OTOGL: variants seen among roughly 807,000 people sequenced by gnomAD.
The protein encoded by OTOGL is otogelin-like protein.
OTOGL carries 285 observed loss-of-function variants against 318.5 expected under a neutral mutation model. The observed-to-expected ratio is 0.89, with a 90% CI of 0.81 to 0.99. OTOGL has a LOEUF of 0.99. OTOGL is among the 50% of genes least tolerant of loss of function. The probability of loss-of-function intolerance (pLI) is 0.00; values close to 1 mark genes in which losing one functional copy is unlikely to be tolerated. For missense variants in OTOGL, 2,899 were observed against 2,845.6 expected, an observed-to-expected ratio of 1.02 and a Z score of -0.43; for synonymous variants, 987 against 936.5, an observed-to-expected ratio of 1.05 and a Z score of -0.99.
At chr12:80,294,469 T>C (rs2137696484) in intron 26 of OTOGL, among the ~76,000 whole-genome samples, 1 of 152,340 alleles carries the variant, frequency 6.6e-6, no homozygotes, top group South Asian at 2.1e-4. Context: ...TGTATTTTTC[T>C]CTTTGAAAAT....
At chr12:80,313,975 C>T (rs1330746958) in intron 31 of OTOGL, among the ~76,000 whole-genome samples, 1 of 151,950 alleles carries the variant, frequency 6.6e-6, no homozygotes, top group Non-Finnish European at 1.5e-5. Flanking sequence ...TTAAAAAAAT[C>T]ACCTTGAATT....
intron 37 of OTOGL, among the ~76,000 whole-genome samples, chr12:80,329,593 A>G (rs73135407): frequency 0.19 from 28,168 of 152,138 alleles, 2,764 homozygotes; most frequent in Middle Eastern, 0.22. Flanking sequence ...CCATGTTTGC[A>G]TTCTGTCTCT....
At chr12:80,176,147 G>T (rs539534065) in intron 1 of OTOGL, among the ~76,000 whole-genome samples, 1 of 152,286 alleles carries the variant, frequency 6.6e-6, no homozygotes, top group East Asian at 1.9e-4. Context: ...AAGAGTTCTA[G>T]TCGCAGAAGT....
Position 80,222,229 on chromosome 12 carries a change from C to G in OTOGL, c.473C>G (p.Pro158Arg). ...GCAAAGGACTGTGGTGATTTGGAGC[C>G]TCGGTACACTGTATGGGTAGGTGAT... is the stretch of plus-strand genomic sequence containing the variant. ...IFAKDCGDLE[P>R]RYTVWVHNSP... Residue 158 changes from proline to arginine, a missense_variant, in exon 7 of 59, where the codon CCT (proline) becomes CGT (arginine). Transcript: ENST00000547103. 1 of 1,596,134 alleles carries G rather than the reference C, an allele frequency of 6.3e-7. No individual in the cohort carries two copies. Among genetic ancestry groups the G allele is most frequent in the South Asian group, 1.1e-5 (1 of 90,890 alleles).
At chr12:80,236,268 T>C (rs1879837321) in intron 9 of OTOGL, among the ~76,000 whole-genome samples, 1 of 152,240 alleles carries the variant, frequency 6.6e-6, no homozygotes, top group South Asian at 2.1e-4. Context: ...CTTTCATTTT[T>C]TTCCCAGCAT....
intron 1 of OTOGL, among the ~76,000 whole-genome samples, chr12:80,145,117 A>G (rs931847492): frequency 6.6e-5 from 10 of 151,456 alleles, no homozygotes; most frequent in South Asian, 4.1e-4. Context: ...TGTTTTAGAC[A>G]TGAAGTCCTT....
chr12:80,231,044 T>C (rs1483082503), intron 8 of OTOGL, among the ~76,000 whole-genome samples: 2 of 152,102 alleles, frequency 1.3e-5, no homozygotes, highest in African/African-American at 4.8e-5. Context: ...TTTAATTAAA[T>C]TTACTGTTAA....
intron 20 of OTOGL, 74 bp downstream of exon 20, chr12:80,265,284 A>AT (rs377037860): frequency 2.2e-6 from 3 of 1,364,226 alleles, no homozygotes; most frequent in Admixed American, 2.1e-5. Context: ...GACTGCTTTT[A>AT]TTTTTTAAAT....
chr12:80,286,277 G>A (rs571762449), intron 26 of OTOGL, among the ~76,000 whole-genome samples: 1 of 152,326 alleles, frequency 6.6e-6, no homozygotes, highest in South Asian at 2.1e-4. Context: ...CAGTTTGCCA[G>A]TATTCTACTG....
At chr12:80,343,526 T>TTTTTTTTTTTTTTTTTTTTTTTTTC (rs1555301044) in intron 44 of OTOGL, 6 of 118,160 alleles carry the variant, frequency 5.1e-5, no homozygotes, top group Admixed American at 2.6e-4. Flanking sequence ...TTTTTTTTTT[T>TTTTTTTTTTTTTTTTTTTTTTTTTC]TTTTTTTTTT....
At chr12:80,196,039 G>A (rs751417757) in intron 1 of OTOGL, among the ~76,000 whole-genome samples, 1 of 152,172 alleles carries the variant, frequency 6.6e-6, no homozygotes, top group Non-Finnish European at 1.5e-5. Context: ...TTGAAGGTTT[G>A]ATTTCATCTT....
At chr12:80,299,905 A>G (rs1885648737) in intron 27 of OTOGL, among the ~76,000 whole-genome samples, 1 of 152,170 alleles carries the variant, frequency 6.6e-6, no homozygotes, top group South Asian at 2.1e-4. Context: ...CTTTGACCAT[A>G]GAGGATTTTC....
chr12:80,360,000 T>C (rs1890138334), intron 52 of OTOGL, among the ~76,000 whole-genome samples: 1 of 152,208 alleles, frequency 6.6e-6, no homozygotes, highest in African/African-American at 2.4e-5. Flanking sequence ...TTTGTGTGTG[T>C]ATGTTTGCAT....
intron 26 of OTOGL, among the ~76,000 whole-genome samples, chr12:80,280,328 T>G (rs1004050332): frequency 1.3e-5 from 2 of 152,026 alleles, no homozygotes; most frequent in African/African-American, 4.8e-5. Flanking sequence ...TTTTTGTTTT[T>G]GTTGCAATTG....
chr12:80,358,524 C>T (rs1592753123), intron 50 of OTOGL, 147 bp from the exon 51 acceptor site: 3 of 802,640 alleles, frequency 3.7e-6, no homozygotes, highest in South Asian at 1.8e-5. Flanking sequence ...TTATCTTCAC[C>T]AACACATGGC....
chr12:80,118,864 G>GTTT (rs57197692), intron 1 of OTOGL, among the ~76,000 whole-genome samples: 1 of 130,592 alleles, frequency 7.7e-6, no homozygotes, highest in Admixed American at 7.8e-5. Context: ...TCTTAGATCT[G>GTTT]TTTTTTTTTT....
chr12:80,124,008 A>C (rs1183601504), intron 1 of OTOGL, among the ~76,000 whole-genome samples: 1 of 152,108 alleles, frequency 6.6e-6, no homozygotes, highest in Admixed American at 6.6e-5. Flanking sequence ...CTCTGATGGT[A>C]GTTTCTTTCG....
At chr12:80,289,557 A>C (rs1884884805) in intron 26 of OTOGL, among the ~76,000 whole-genome samples, 1 of 152,194 alleles carries the variant, frequency 6.6e-6, no homozygotes, top group South Asian at 2.1e-4. Context: ...TAAGCCCCTG[A>C]CTGTGGCTGC....
At chr12:80,321,495 C>T (rs1887327612) in intron 34 of OTOGL, among the ~76,000 whole-genome samples, 1 of 151,986 alleles carries the variant, frequency 6.6e-6, no homozygotes, top group Admixed American at 6.6e-5. Flanking sequence ...TTAATGGGTG[C>T]AGCACACCAA....
Sources: allele counts gnomAD v4.1 joint callset (sites outside exome capture counted in the v4.1 genomes callset), GRCh38; gene constraint gnomAD v4.1.1; transcripts MANE v1.5; gene names NCBI Gene and HGNC (gene_info 2026-07-23, HGNC 2026-07-21).